The following NYAP2 variants were observed in gnomAD, a reference collection of about 807,000 sequenced individuals.
The protein encoded by NYAP2 is neuronal tyrosine-phosphorylated phosphoinositide-3-kinase adapter 2.
NYAP2 carries 23 observed loss-of-function variants against 50.4 expected under a neutral mutation model. The ratio of observed to expected loss-of-function variants is 0.46; its 90% CI spans 0.33 to 0.65. NYAP2 has a LOEUF of 0.65. Among genes scored for constraint, NYAP2 ranks in the 30% least tolerant of loss-of-function variants. NYAP2 has a pLI of 0.02. For missense variants in NYAP2, 885 were observed against 861.0 expected (o/e 1.03, Z -0.35); for synonymous variants, 394 against 365.2 (o/e 1.08, Z -0.90).
In NYAP2 at chr2:225,460,370, G is replaced by T. The variant is rs1040842935; in HGVS notation, c.221+51269G>T. 2.6e-5 allele frequency among the ~76,000 whole-genome samples: 4 copies of T among 152,192 alleles called. No homozygotes were observed. In the South Asian group the frequency reaches 8.3e-4, roughly 32 times the overall value. On this transcript the variant is annotated intron_variant, in intron 3 of 6. Coordinates refer to ENST00000636099, the Ensembl canonical transcript of NYAP2. ...CACTGAACTTGTAATTTCTTCATTT[G>T]TCTTATTTTTCTATTTGTCAGATTT...
intron 4 of NYAP2, among the ~76,000 whole-genome samples, chr2:225,542,276 T>C (rs1691487954): frequency 6.6e-6 from 1 of 152,146 alleles, no homozygotes; most frequent in African/African-American, 2.4e-5. Flanking sequence ...TCTTGTTTAA[T>C]TGCTCTAGCT....
intron 4 of NYAP2, among the ~76,000 whole-genome samples, chr2:225,517,555 G>A (rs944851255): frequency 1.3e-5 from 2 of 152,174 alleles, no homozygotes; most frequent in African/African-American, 4.8e-5. Flanking sequence ...CCTTTAAAGT[G>A]ATTGTGAATA....
At chr2:225,559,278 A>G (rs865843053) in intron 4 of NYAP2, among the ~76,000 whole-genome samples, 1 of 151,650 alleles carries the variant, frequency 6.6e-6, no homozygotes, top group Admixed American at 6.6e-5. Flanking sequence ...AAGCTTGCCA[A>G]CTCCATCGCT....
chr2:225,448,208 C>T (rs145087868), intron 3 of NYAP2, among the ~76,000 whole-genome samples: 1 of 152,278 alleles, frequency 6.6e-6, no homozygotes, highest in East Asian at 1.9e-4. Flanking sequence ...GAGTTGGAAT[C>T]TTTTCAGCCA....
intron 3 of NYAP2, among the ~76,000 whole-genome samples, chr2:225,464,242 G>A (rs1335551576): frequency 6.6e-6 from 1 of 152,140 alleles, no homozygotes; most frequent in Non-Finnish European, 1.5e-5. Context: ...GTCAGTCAAG[G>A]CTGACATCAA....
downstream of NYAP2, among the ~76,000 whole-genome samples, chr2:225,657,038 A>G (rs1323223735): frequency 2.0e-5 from 3 of 151,936 alleles, no homozygotes; most frequent in Non-Finnish European, 4.4e-5. Flanking sequence ...AGAGTGTGAG[A>G]AAGGCTAACA....
intron 3 of NYAP2, among the ~76,000 whole-genome samples, chr2:225,433,690 G>C (rs530730085): frequency 6.5e-4 from 98 of 151,694 alleles, no homozygotes; most frequent in South Asian, 5.8e-3. Context: ...GATGGCGGGC[G>C]CCTGTAGTCC....
rs188919246 is a variant in NYAP2, at chr2:225,511,817, T to G, written c.222-1554T>G. Among the ~76,000 whole-genome samples, 494 of 152,278 alleles carry G rather than the reference T, an allele frequency of 3.2e-3. 3 individuals carry two copies. Among genetic ancestry groups the G allele is most frequent in the Middle Eastern group, 6.8e-3 (2 of 294 alleles). Reference sequence around the variant, plus strand: ...AAACATTGTAACGATATGAAAGATATAAAATTCCATCATATTATGAAGGCA... The same window carrying G: ...AAACATTGTAACGATATGAAAGATAGAAAATTCCATCATATTATGAAGGCA... On this transcript the variant is annotated intron_variant, in intron 3 of 6. Coordinates refer to ENST00000636099, the Ensembl canonical transcript of NYAP2.
chr2:225,665,508 C>T, the NYAP2 span, among the ~76,000 whole-genome samples: 2 of 151,542 alleles, frequency 1.3e-5, no homozygotes, highest in African/African-American at 2.4e-5. Context: ...TGAACAGTCT[C>T]ATGAGCTGCG....
intron 4 of NYAP2, among the ~76,000 whole-genome samples, chr2:225,525,891 GACCTGAGGC>G (rs1373573659): frequency 6.6e-6 from 1 of 152,148 alleles, no homozygotes; most frequent in Admixed American, 6.6e-5. Context: ...ATCATCTTTG[GACCTGAGGC>G]ACAGTTGCTG....
chr2:225,495,027 T>C (rs1397697878), intron 3 of NYAP2, among the ~76,000 whole-genome samples: 1 of 152,216 alleles, frequency 6.6e-6, no homozygotes, highest in African/African-American at 2.4e-5. Context: ...TTATGCTGAA[T>C]TAATTAGTGC....
Position 225,626,792 on chromosome 2 carries a change from G to A in NYAP2, c.1619-125G>A, listed in dbSNP as rs960268184. The stretch of plus-strand genomic sequence containing the variant: ...GTTTCTGTTATATTTAAATGTTGTA[G>A]TCTCCAAGTCTGAGTTTCCAACAAC... On this transcript the variant is annotated intron_variant, in intron 5 of 6. Coordinates refer to ENST00000636099, the Ensembl canonical transcript of NYAP2. 3.1e-5 allele frequency: 22 copies of A among 707,220 alleles called. No individual in the cohort carries two copies. In the East Asian group the frequency reaches 5.7e-4, roughly 18 times the overall value. 43.8% of individuals were successfully genotyped at this position (707,220 alleles called of 1,614,324 possible).
intron 4 of NYAP2, among the ~76,000 whole-genome samples, chr2:225,539,296 C>T (rs1691415532): frequency 6.6e-6 from 1 of 152,234 alleles, no homozygotes; most frequent in African/African-American, 2.4e-5. Flanking sequence ...AATAGTGCTG[C>T]AATAAACATA....
intron 3 of NYAP2, among the ~76,000 whole-genome samples, chr2:225,511,858 A>T (rs1559200121): frequency 6.6e-6 from 1 of 152,234 alleles, no homozygotes; most frequent in Non-Finnish European, 1.5e-5. Flanking sequence ...AGCCAAAATT[A>T]GTTTTACTAA....
At chr2:225,642,737 G>C (rs1324795940) in intron 6 of NYAP2, among the ~76,000 whole-genome samples, 1 of 152,026 alleles carries the variant, frequency 6.6e-6, no homozygotes, top group African/African-American at 2.4e-5. Flanking sequence ...AGAACCATAA[G>C]AACTAAGATA....
At chr2:225,459,819 C>A (rs1283639185) in intron 3 of NYAP2, among the ~76,000 whole-genome samples, 1 of 151,980 alleles carries the variant, frequency 6.6e-6, no homozygotes, top group East Asian at 1.9e-4. Flanking sequence ...ACTACAGGCA[C>A]CCGCCACCAC....
chr2:225,442,929 A>G (rs1171708345), intron 3 of NYAP2, among the ~76,000 whole-genome samples: 1 of 152,186 alleles, frequency 6.6e-6, no homozygotes, highest in Non-Finnish European at 1.5e-5. Flanking sequence ...GACGCCTCAC[A>G]ATCATAGCAG....
chr2:225,609,835 G>A (rs1433257368), intron 5 of NYAP2, among the ~76,000 whole-genome samples: 2 of 152,112 alleles, frequency 1.3e-5, no homozygotes, highest in Non-Finnish European at 2.9e-5. Flanking sequence ...CTTGAATGTG[G>A]CATGATATCC....
intron 3 of NYAP2, among the ~76,000 whole-genome samples, chr2:225,412,614 TTG>T (rs1428832449): frequency 6.6e-6 from 1 of 151,934 alleles, no homozygotes; most frequent in Non-Finnish European, 1.5e-5. Context: ...GAGGTAAAAT[TTG>T]TGAAAAACCA....
Sources: gnomAD v4.1 joint callset for allele counts (sites outside exome capture counted in the v4.1 genomes callset) on GRCh38, gnomAD v4.1.1 for gene constraint, MANE v1.5 for transcripts, NCBI Gene and HGNC (gene_info 2026-07-23, HGNC 2026-07-21) for gene names.